The following F5 variants were observed in gnomAD, a reference collection of about 807,000 sequenced individuals.
F5 encodes activated protein c cofactor.
In F5, 138 loss-of-function variants were observed where a neutral mutation model predicts 216.4. The ratio of observed to expected loss-of-function variants is 0.64; its 90% CI spans 0.56 to 0.73. The LOEUF is 0.73. Ranked by LOEUF, F5 falls within the 30% of genes least tolerant of loss-of-function variation. The probability of loss-of-function intolerance (pLI) is 0.00; values close to 1 mark genes in which losing one functional copy is unlikely to be tolerated. For synonymous variants in F5, 916 were observed against 930.7 expected (o/e 0.98, Z 0.29); for missense variants, 2,403 against 2,674.0 (o/e 0.90, Z 2.24).
chr1:169,577,142 C>T (rs1297286128), intron 2 of F5, among the ~76,000 whole-genome samples: 2 of 152,040 alleles, frequency 1.3e-5, no homozygotes, highest in Admixed American at 1.3e-4. Context: ...AAGGAGTGGC[C>T]TACTTCAGGG....
At chr1:169,555,090 G>C (rs547037485) in intron 7 of F5, 92 bp downstream of exon 7, 2 of 1,410,808 alleles carry the variant, frequency 1.4e-6, no homozygotes, top group Admixed American at 3.4e-5. Flanking sequence ...GTCCCCTTGA[G>C]AGCTGTGAAC....
At chr1:169,543,672 C>A (rs1170757937) in intron 12 of F5, among the ~76,000 whole-genome samples, 1 of 152,188 alleles carries the variant, frequency 6.6e-6, no homozygotes, top group Admixed American at 6.5e-5. Context: ...ATTGCTGGAA[C>A]ATCAAAGATT....
intron 10 of F5, among the ~76,000 whole-genome samples, chr1:169,547,022 G>A (rs542531801): frequency 4.6e-5 from 7 of 151,634 alleles, no homozygotes; most frequent in African/African-American, 1.7e-4. Flanking sequence ...GCCAGGCATC[G>A]TGGCTTATGC....
At chr1:169,568,174 C>T (rs934365805) in intron 3 of F5, among the ~76,000 whole-genome samples, 5 of 152,012 alleles carry the variant, frequency 3.3e-5, no homozygotes, top group East Asian at 1.9e-4. Flanking sequence ...ATTTCACATT[C>T]GCCTGTCAGT....
chr1:169,556,390 G>A (rs1023292269), intron 6 of F5, among the ~76,000 whole-genome samples: 6 of 111,246 alleles, frequency 5.4e-5, no homozygotes, highest in Admixed American at 2.3e-4. Context: ...TTCTTCTTTC[G>A]AGGAAGTTAG....
intron 2 of F5, among the ~76,000 whole-genome samples, chr1:169,573,910 C>T (rs1660784983): frequency 1.3e-5 from 2 of 152,076 alleles, no homozygotes; most frequent in Non-Finnish European, 2.9e-5. Flanking sequence ...GTCAGCCCTC[C>T]ATGACCATGG....
intron 3 of F5, among the ~76,000 whole-genome samples, chr1:169,562,275 A>C (rs1303609975): frequency 6.6e-6 from 1 of 152,122 alleles, no homozygotes; most frequent in Non-Finnish European, 1.5e-5. Flanking sequence ...TATCAATGGA[A>C]TCATCATTAC....
rs567176994 is a variant in F5 at position 169,561,768 on chromosome 1, T to TG, written c.374-1003dup. Among the ~76,000 whole-genome samples the TG allele has an allele frequency of 2.6e-5, 4 of 152,086 alleles. No individual in the cohort carries two copies. The South Asian group carries it at 8.3e-4, about 32-fold the overall frequency. ...CGAGAAGAAGGTGAGAACATCAGTG[T>TG]GGATGTAGGCAGACAACAAGGATCT... On this transcript the variant is annotated intron_variant, in intron 3 of 24. Transcript: ENST00000367797.
intron 9 of F5, among the ~76,000 whole-genome samples, chr1:169,550,434 G>A (rs1023401059): frequency 6.6e-6 from 1 of 151,898 alleles, no homozygotes; most frequent in African/African-American, 2.4e-5. Flanking sequence ...AGGCCACTAT[G>A]ACACTAATAA....
rs1659357421 is a variant in F5 at position 169,523,426 on chromosome 1, A to G, written c.5893-74T>C. On this transcript the variant is annotated intron_variant, in intron 20 of 24. Transcript: ENST00000367797. The stretch of plus-strand genomic sequence containing the variant: ...ACACACTGCCTAAATTCATTATACA[A>G]TCAGCTTTCTTCAGAACTAAAGAGC... 7.1e-6 allele frequency: 11 copies of G among 1,559,616 alleles called. No homozygotes were observed. The South Asian group carries it at 1.1e-4, about 16-fold the overall frequency.
intron 2 of F5, among the ~76,000 whole-genome samples, chr1:169,577,028 A>G (rs926291661): frequency 6.6e-6 from 1 of 152,188 alleles, no homozygotes; most frequent in African/African-American, 2.4e-5. Flanking sequence ...ATGTAGGAAA[A>G]CACATGGCTA....
intron 24 of F5, among the ~76,000 whole-genome samples, chr1:169,514,879 G>A (rs766334244): frequency 2.6e-5 from 4 of 152,072 alleles, no homozygotes; most frequent in African/African-American, 4.8e-5. Flanking sequence ...CCTTCAGCCC[G>A]TCTGTATTAG....
intron 9 of F5, 30 bp downstream of exon 9, chr1:169,550,610 T>C (rs919732035): frequency 1.7e-5 from 27 of 1,552,746 alleles, no homozygotes; most frequent in Non-Finnish European, 2.0e-5. Flanking sequence ...AAGTTACTAG[T>C]TGGATTCAGT....
rs1338744099 is a variant in F5, at chr1:169,550,012, C to T, written c.1400G>A (p.Arg467Lys). 6.2e-7 allele frequency: 1 copy of T among 1,612,888 alleles called. No individual in the cohort carries two copies. Among genetic ancestry groups the T allele is most frequent in the South Asian group, 1.1e-5 (1 of 91,034 alleles). ...DEVNSSFTSGRNNTMIRAVQP... is the reference protein window; with the variant it reads ...DEVNSSFTSGKNNTMIRAVQP... ...AACTGCTCTGATCATGGTGTTGTTCCTGCCTGAAAGAAAATATATTCAAAA... is the reference window on the plus strand; with the variant it reads ...AACTGCTCTGATCATGGTGTTGTTCTTGCCTGAAAGAAAATATATTCAAAA... Residue 467 changes from arginine (R) to lysine (K), a missense_variant, in exon 10 of 25, where the codon AGG (arginine) becomes AAG (lysine). Coordinates refer to ENST00000367797, the MANE Select transcript of F5 (RefSeq NM_000130.5).
chr1:169,518,971 C>A (rs1296760896), intron 22 of F5, among the ~76,000 whole-genome samples: 1 of 152,140 alleles, frequency 6.6e-6, no homozygotes, highest in African/African-American at 2.4e-5. Flanking sequence ...TACTCTGTTT[C>A]TTCTAACAAA....
At chr1:169,528,904 G>A (rs764316956) in intron 16 of F5, among the ~76,000 whole-genome samples, 4 of 152,112 alleles carry the variant, frequency 2.6e-5, no homozygotes, top group African/African-American at 7.2e-5. Flanking sequence ...GGAGAGGGAC[G>A]GGTTGAGATC....
At chr1:169,581,696 C>T (rs1052644893) in intron 2 of F5, among the ~76,000 whole-genome samples, 3 of 152,146 alleles carry the variant, frequency 2.0e-5, no homozygotes, top group African/African-American at 7.2e-5. Flanking sequence ...TTGATGGTCT[C>T]TATCATCCCT....
chr1:169,561,789 G>T (rs1204158574), intron 3 of F5, among the ~76,000 whole-genome samples: 1 of 152,030 alleles, frequency 6.6e-6, no homozygotes. Context: ...AGACAACAAG[G>T]ATCTGGGGAA....
At chr1:169,546,364 T>C in intron 11 of F5, 78 bp downstream of exon 11, 1 of 1,557,288 alleles carries the variant, frequency 6.4e-7, no homozygotes, top group Non-Finnish European at 8.8e-7. Context: ...TTTTAATCCA[T>C]GTCTCTGACT....
Sources: allele counts gnomAD v4.1 joint callset (sites outside exome capture counted in the v4.1 genomes callset), GRCh38; gene constraint gnomAD v4.1.1; transcripts MANE v1.5; gene names NCBI Gene and HGNC (gene_info 2026-07-23, HGNC 2026-07-21).